The following DNAJC1 variants were observed in gnomAD, a reference collection of about 807,000 sequenced individuals.
DNAJC1 encodes the protein dnaJ homolog subfamily C member 1.
Under a neutral mutation model 76.6 loss-of-function variants are expected in DNAJC1, and 58 were observed. That is an observed-to-expected ratio of 0.76 (90% CI 0.61 to 0.94). The LOEUF is 0.94. Ranked by LOEUF, DNAJC1 falls within the 40% of genes least tolerant of loss-of-function variation. The pLI is 0.00. For synonymous variants in DNAJC1, 258 were observed against 267.9 expected, an observed-to-expected ratio of 0.96 and a Z score of 0.36; for missense variants, 689 against 677.3, an observed-to-expected ratio of 1.02 and a Z score of -0.19.
rs561920638 is a variant in DNAJC1 at position 21,919,020 on chromosome 10, T to C, written c.636-148A>G. 8 of 611,242 alleles carry C rather than the reference T, an allele frequency of 1.3e-5. No individual in the cohort carries two copies. In the Admixed American group the frequency reaches 1.7e-4, roughly 13 times the overall value. 37.9% of individuals were successfully genotyped at this position (611,242 alleles called of 1,614,324 possible). ...AATGAAGAAAGTATGCACTGAAATA[T>C]TTATAACTGACTTACTCCATCATGA... On this transcript the variant is annotated intron_variant, in intron 5 of 11. Transcript: ENST00000376980.
At chr10:22,003,072 C>T (rs1838548585) in intron 1 of DNAJC1, 141 bp downstream of exon 1, 1 of 1,305,472 alleles carries the variant, frequency 7.7e-7, no homozygotes, top group African/African-American at 1.6e-5. Context: ...AGGCTGAGGA[C>T]CCCGGTGACC....
chr10:21,998,839 A>G (rs1838465672), intron 1 of DNAJC1, among the ~76,000 whole-genome samples: 1 of 152,250 alleles, frequency 6.6e-6, no homozygotes, highest in Admixed American at 6.5e-5. Context: ...GGGGAATTAC[A>G]GTTTGCATTT....
intron 9 of DNAJC1, among the ~76,000 whole-genome samples, chr10:21,789,104 A>G (rs112934410): frequency 8.5e-5 from 13 of 152,298 alleles, no homozygotes; most frequent in African/African-American, 2.4e-4. Flanking sequence ...GCCAGATCTG[A>G]CAGCAAGAGG....
intron 1 of DNAJC1, among the ~76,000 whole-genome samples, chr10:21,965,502 A>ATT (rs1837876784): frequency 6.6e-6 from 1 of 152,194 alleles, no homozygotes; most frequent in African/African-American, 2.4e-5. Context: ...GCTGGGCTGC[A>ATT]TTCCCAGAAA....
chr10:21,829,358 C>T (rs566166271), intron 8 of DNAJC1, among the ~76,000 whole-genome samples: 17 of 152,258 alleles, frequency 1.1e-4, no homozygotes, highest in Admixed American at 3.9e-4. Flanking sequence ...GGACTACAGG[C>T]GCCCACCACT....
chr10:21,915,990 T>C (rs1040063441), intron 6 of DNAJC1, among the ~76,000 whole-genome samples: 1 of 151,348 alleles, frequency 6.6e-6, no homozygotes, highest in African/African-American at 2.4e-5. Flanking sequence ...AAAATAAAAA[T>C]TAAATTAAAT....
intron 9 of DNAJC1, among the ~76,000 whole-genome samples, chr10:21,799,292 TTTG>T (rs999200400): frequency 8.5e-5 from 13 of 152,202 alleles, no homozygotes; most frequent in Admixed American, 3.9e-4. Flanking sequence ...TTTACTGTTT[TTTG>T]TTGTTGTTGT....
At chr10:21,856,873 C>A (rs1835843373) in intron 8 of DNAJC1, among the ~76,000 whole-genome samples, 1 of 151,936 alleles carries the variant, frequency 6.6e-6, no homozygotes, top group South Asian at 2.1e-4. Context: ...GTAGCTGGGA[C>A]CACAGGTGCG....
chr10:21,887,001 C>T lies in DNAJC1; in HGVS notation c.821-4562G>A, dbSNP rs192904948. Among the ~76,000 whole-genome samples, 324 of 152,218 alleles carry T rather than the reference C, an allele frequency of 2.1e-3. 1 individual carries two copies. The highest frequency in any genetic ancestry group is 7.1e-3 in the African/African-American group (295 of 41,552). ...CTATATCTAGAAAACCCCATAGTTTCGGCCCAAAGCTCCTTTAGCTGGTAA... is the reference window on the plus strand; with the variant it reads ...CTATATCTAGAAAACCCCATAGTTTTGGCCCAAAGCTCCTTTAGCTGGTAA... On this transcript the variant is annotated intron_variant, in intron 7 of 11. Coordinates refer to ENST00000376980, the MANE Select transcript of DNAJC1 (RefSeq NM_022365.4).
intron 8 of DNAJC1, among the ~76,000 whole-genome samples, chr10:21,847,908 G>A (rs1835686818): frequency 6.6e-6 from 1 of 152,060 alleles, no homozygotes; most frequent in Non-Finnish European, 1.5e-5. Flanking sequence ...GTGAATAGTG[G>A]TGCAACAAAA....
intron 1 of DNAJC1, among the ~76,000 whole-genome samples, chr10:21,959,736 G>C (rs1239829181): frequency 6.7e-6 from 1 of 149,674 alleles, no homozygotes; most frequent in Non-Finnish European, 1.5e-5. Flanking sequence ...CAGTGAGCCG[G>C]GATAGTGCCG....
At chr10:21,762,036 T>G (rs907617427) in intron 10 of DNAJC1, among the ~76,000 whole-genome samples, 1 of 152,220 alleles carries the variant, frequency 6.6e-6, no homozygotes, top group South Asian at 2.1e-4. Context: ...GCCTCTCGAG[T>G]AGCTGGGACT....
chr10:21,872,967 G>A (rs1475709359), intron 8 of DNAJC1, among the ~76,000 whole-genome samples: 2 of 152,178 alleles, frequency 1.3e-5, no homozygotes, highest in Non-Finnish European at 2.9e-5. Context: ...CCCTGGGCCT[G>A]GTAGTTAAAG....
At chr10:21,857,908 T>C (rs985521883) in intron 8 of DNAJC1, among the ~76,000 whole-genome samples, 68 of 151,868 alleles carry the variant, frequency 4.5e-4, no homozygotes, top group African/African-American at 1.6e-3. Flanking sequence ...GTGTGCGTTC[T>C]GGGAGAAACA....
chr10:21,883,399 T>C (rs1372395637), intron 7 of DNAJC1, among the ~76,000 whole-genome samples: 1 of 152,118 alleles, frequency 6.6e-6, no homozygotes, highest in African/African-American at 2.4e-5. Context: ...TGTACGTGTG[T>C]ATGTGTGTAT....
chr10:21,803,619 G>A (rs1486299582), intron 9 of DNAJC1, among the ~76,000 whole-genome samples: 2 of 150,848 alleles, frequency 1.3e-5, no homozygotes, highest in East Asian at 1.9e-4. Flanking sequence ...GTGTGTGTGT[G>A]TGTGTATGTA....
At chr10:21,980,284 C>T (rs1025115670) in intron 1 of DNAJC1, among the ~76,000 whole-genome samples, 2 of 151,920 alleles carry the variant, frequency 1.3e-5, no homozygotes, top group East Asian at 1.9e-4. Flanking sequence ...AGTAATTTTA[C>T]GGTGGAGAAA....
At chr10:21,984,409 G>A (rs1838206241) in intron 1 of DNAJC1, among the ~76,000 whole-genome samples, 1 of 152,200 alleles carries the variant, frequency 6.6e-6, no homozygotes, top group African/African-American at 2.4e-5. Flanking sequence ...CAAGTTGCAA[G>A]ATATCTGGTA....
intron 1 of DNAJC1, among the ~76,000 whole-genome samples, chr10:21,938,055 G>T (rs1837342086): frequency 6.6e-6 from 1 of 152,022 alleles, no homozygotes; most frequent in African/African-American, 2.4e-5. Context: ...GACTAAAATA[G>T]GAAAGGCCAT....
Sources: allele counts gnomAD v4.1 joint callset (sites outside exome capture counted in the v4.1 genomes callset), GRCh38; gene constraint gnomAD v4.1.1; transcripts MANE v1.5; gene names NCBI Gene and HGNC (gene_info 2026-07-23, HGNC 2026-07-21).